The following SLIT2 variants were observed in gnomAD, a reference collection of about 807,000 sequenced individuals.
The protein encoded by SLIT2 is slit homolog 2 protein.
Under a neutral mutation model 185.7 loss-of-function variants are expected in SLIT2, and 41 were observed. The ratio of observed to expected loss-of-function variants is 0.22; its 90% confidence interval spans 0.17 to 0.29. The LOEUF is 0.29. Ranked by LOEUF, SLIT2 falls within the 10% of genes least tolerant of loss-of-function variation. The probability of loss-of-function intolerance (pLI) is 1.00; values close to 1 mark genes in which losing one functional copy is unlikely to be tolerated. For synonymous variants in SLIT2, 693 were observed against 680.2 expected (o/e 1.02, Z -0.29); for missense variants, 1,571 against 1,909.0 (o/e 0.82, Z 3.30).
At chr4:20,378,890 G>T (rs770301421) in intron 4 of SLIT2, among the ~76,000 whole-genome samples, 2 of 152,122 alleles carry the variant, frequency 1.3e-5, no homozygotes, top group Non-Finnish European at 2.9e-5. Flanking sequence ...CTAAGCAATG[G>T]AGTATTATTC....
chr4:20,292,517 G>T (rs776815608), intron 4 of SLIT2, among the ~76,000 whole-genome samples: 3 of 152,146 alleles, frequency 2.0e-5, no homozygotes, highest in Non-Finnish European at 2.9e-5. Flanking sequence ...AAGGAGCACT[G>T]AGACGGAGAA....
intron 6 of SLIT2, among the ~76,000 whole-genome samples, chr4:20,485,582 A>G (rs561822290): frequency 6.1e-4 from 93 of 152,284 alleles, no homozygotes; most frequent in Non-Finnish European, 1.0e-3. Flanking sequence ...ACTAAAAACC[A>G]TTAGAATGGA....
At chr4:20,477,725 C>T (rs1040452626) in intron 5 of SLIT2, among the ~76,000 whole-genome samples, 2 of 152,180 alleles carry the variant, frequency 1.3e-5, no homozygotes, top group African/African-American at 4.8e-5. Flanking sequence ...TACTTCTGCC[C>T]TTAGCATCCA....
intron 4 of SLIT2, among the ~76,000 whole-genome samples, chr4:20,459,633 G>A (rs927111341): frequency 6.7e-4 from 102 of 152,000 alleles, no homozygotes; most frequent in Non-Finnish European, 1.2e-4. Context: ...TCCGTTCATT[G>A]AGCTGTAGTC....
intron 11 of SLIT2, among the ~76,000 whole-genome samples, chr4:20,511,595 T>TTTTTTTTTTTTTTTTTTTA (rs1211611464): frequency 7.3e-6 from 1 of 137,828 alleles, no homozygotes; most frequent in African/African-American, 2.7e-5. Context: ...TAATTTTTTT[T>TTTTTTTTTTTTTTTTTTTA]TTTTTTTTAT....
intron 4 of SLIT2, among the ~76,000 whole-genome samples, chr4:20,416,543 C>A (rs1363395693): frequency 6.6e-6 from 1 of 151,826 alleles, no homozygotes; most frequent in Non-Finnish European, 1.5e-5. Flanking sequence ...TTCTGAGATA[C>A]TGAGAAAAAT....
intron 4 of SLIT2, among the ~76,000 whole-genome samples, chr4:20,406,656 G>A (rs1465389750): frequency 1.4e-5 from 2 of 144,360 alleles, no homozygotes; most frequent in African/African-American, 4.9e-5. Flanking sequence ...TAAACTGACA[G>A]CACCAGTGTT....
intron 4 of SLIT2, among the ~76,000 whole-genome samples, chr4:20,367,405 T>G (rs1560358457): frequency 1.3e-5 from 2 of 152,162 alleles, no homozygotes. Context: ...TTAAAGCATA[T>G]AAAACTAATA....
intron 5 of SLIT2, among the ~76,000 whole-genome samples, chr4:20,476,618 A>T (rs76615333): frequency 0.067 from 10,157 of 152,194 alleles, 438 homozygotes; most frequent in Admixed American, 0.16. Context: ...CTTACCAAAA[A>T]AACCTATTAG....
At chr4:20,574,438 G>T (rs1725900810) in intron 29 of SLIT2, among the ~76,000 whole-genome samples, 1 of 152,180 alleles carries the variant, frequency 6.6e-6, no homozygotes, top group African/African-American at 2.4e-5. Flanking sequence ...ACGTGTGCTT[G>T]TCTTGATAGC....
intron 24 of SLIT2, 73 bp from the exon 25 acceptor site, chr4:20,550,754 A>T (rs1266603478): frequency 3.8e-5 from 33 of 873,104 alleles, no homozygotes; most frequent in Non-Finnish European, 5.7e-5. Flanking sequence ...TATAAACTAA[A>T]GTCTCGGAAT....
At chr4:20,493,611 A>G (rs1717979476) in intron 9 of SLIT2, among the ~76,000 whole-genome samples, 2 of 152,212 alleles carry the variant, frequency 1.3e-5, no homozygotes, top group Admixed American at 6.5e-5. Flanking sequence ...AGAGTCAGAA[A>G]GTTTTAGTTG....
chr4:20,470,484 CTGTGTG>C (rs540814034), intron 5 of SLIT2, among the ~76,000 whole-genome samples: 25,304 of 129,068 alleles, frequency 0.2, 2,578 homozygotes, highest in Non-Finnish European at 0.25. Flanking sequence ...GCAGTGGAGT[CTGTGTG>C]TGTGTGTGTG....
chr4:20,519,253 A>G, intron 11 of SLIT2, 129 bp from the exon 12 acceptor site: 1 of 642,454 alleles, frequency 1.6e-6, no homozygotes, highest in South Asian at 1.8e-5. Context: ...GAGTTTGTTT[A>G]CTCAGCTATA....
At chr4:20,616,070 A>G (rs1052161655) in intron 34 of SLIT2, 1 of 152,206 alleles carries the variant, frequency 6.6e-6, no homozygotes, top group African/African-American at 2.4e-5. Flanking sequence ...CAAAGATTGC[A>G]AATACTCTGT....
chr4:20,573,397 C>A, intron 29 of SLIT2: 1 of 670,660 alleles, frequency 1.5e-6, no homozygotes, highest in Non-Finnish European at 2.7e-6. Context: ...TATGCCAAAT[C>A]AGTCATTCAG....
chr4:20,301,927 T>C (rs1252584142), intron 4 of SLIT2, among the ~76,000 whole-genome samples: 1 of 152,146 alleles, frequency 6.6e-6, no homozygotes, highest in African/African-American at 2.4e-5. Context: ...ATACTGTCGA[T>C]TTTTTGGCTC....
At chr4:20,278,177 T>C (rs1396644649) in intron 4 of SLIT2, among the ~76,000 whole-genome samples, 1 of 152,166 alleles carries the variant, frequency 6.6e-6, no homozygotes, top group Non-Finnish European at 1.5e-5. Flanking sequence ...GATGTAGTCT[T>C]TTTCTAAATA....
At chr4:20,436,356 A>G (rs749490810) in intron 4 of SLIT2, among the ~76,000 whole-genome samples, 1 of 152,170 alleles carries the variant, frequency 6.6e-6, no homozygotes, top group Non-Finnish European at 1.5e-5. Context: ...CCGTATTTCC[A>G]TGGCTAGGCC....
Sources: gnomAD v4.1 joint callset for allele counts (sites outside exome capture counted in the v4.1 genomes callset) on GRCh38, gnomAD v4.1.1 for gene constraint, MANE v1.5 for transcripts, NCBI Gene and HGNC (gene_info 2026-07-23, HGNC 2026-07-21) for gene names.